Variants in NUP37 observed in about 807,000 individuals in gnomAD.
NUP37 encodes the protein nucleoporin 37.
NUP37 carries 33 observed loss-of-function variants against 45.4 expected under a neutral mutation model. That is an observed-to-expected ratio of 0.73 (90% CI 0.55 to 0.97). The LOEUF is 0.97. NUP37 is among the 50% of genes least tolerant of loss of function. The pLI is 0.00. For missense variants in NUP37, 365 were observed against 389.7 expected (o/e 0.94, Z 0.53); for synonymous variants, 127 against 130.7 (o/e 0.97, Z 0.19).
At chr12:102,092,707 A>G (rs1879692929) in intron 5 of NUP37, among the ~76,000 whole-genome samples, 1 of 152,162 alleles carries the variant, frequency 6.6e-6, no homozygotes, top group Non-Finnish European at 1.5e-5. Context: ...TGAAAGCCCA[A>G]ATCTAGAGAT....
chr12:102,085,626 A>C (rs1441292152), intron 6 of NUP37, 140 bp downstream of exon 6: 1 of 452,606 alleles, frequency 2.2e-6, no homozygotes, highest in African/African-American at 2.0e-5. Flanking sequence ...ACAGGTTTCT[A>C]GACTAATCCA....
intron 6 of NUP37, chr12:102,078,974 G>GA: frequency 4.9e-6 from 1 of 203,204 alleles, no homozygotes; most frequent in Middle Eastern, 5.7e-4. Flanking sequence ...TAAGGTATGA[G>GA]ATTGCTACGA....
At chr12:102,098,666 G>C (rs1235402855) in intron 5 of NUP37, among the ~76,000 whole-genome samples, 2 of 152,028 alleles carry the variant, frequency 1.3e-5, no homozygotes, top group African/African-American at 4.8e-5. Flanking sequence ...CGAGTAGCTG[G>C]AATCACAAGT....
intron 3 of NUP37, among the ~76,000 whole-genome samples, chr12:102,107,722 T>C (rs1880194339): frequency 6.6e-6 from 1 of 152,060 alleles, no homozygotes; most frequent in South Asian, 2.1e-4. Context: ...CTCATATATA[T>C]AATGTGAAGT....
chr12:102,096,073 CTT>C (rs1037220328), intron 5 of NUP37, among the ~76,000 whole-genome samples: 28 of 152,178 alleles, frequency 1.8e-4, no homozygotes, highest in Admixed American at 7.2e-4. Flanking sequence ...TTATTATTCT[CTT>C]TGTTTTCCTT....
At chr12:102,079,394 AATTTC>A (rs1421264640) in intron 6 of NUP37, among the ~76,000 whole-genome samples, 1 of 152,206 alleles carries the variant, frequency 6.6e-6, no homozygotes, top group Non-Finnish European at 1.5e-5. Flanking sequence ...ATGGATAGTC[AATTTC>A]ATTATTCATG....
chr12:102,075,579 C>T (rs141236719), intron 8 of NUP37, among the ~76,000 whole-genome samples: 417 of 152,198 alleles, frequency 2.7e-3, no homozygotes, highest in Non-Finnish European at 4.9e-3. Flanking sequence ...GGAAAATATT[C>T]CATAAATATT....
chr12:102,082,916 T>C (rs969140647), intron 6 of NUP37, among the ~76,000 whole-genome samples: 1 of 152,142 alleles, frequency 6.6e-6, no homozygotes, highest in Non-Finnish European at 1.5e-5. Flanking sequence ...AGACCTGGAA[T>C]AGTTTGTGTA....
At chr12:102,086,691 C>T (rs1175603294) in intron 5 of NUP37, among the ~76,000 whole-genome samples, 2 of 152,164 alleles carry the variant, frequency 1.3e-5, no homozygotes, top group Non-Finnish European at 2.9e-5. Context: ...CATACTCAGC[C>T]ACTGTTACAT....
At chr12:102,118,281 T>C (rs1231264868) in intron 2 of NUP37, 82 bp downstream of exon 2, 7 of 1,341,498 alleles carry the variant, frequency 5.2e-6, no homozygotes, top group East Asian at 4.7e-5. Flanking sequence ...CAATATACTT[T>C]CAAAGTTTAG....
chr12:102,093,874 A>C (rs1266897206), intron 5 of NUP37, among the ~76,000 whole-genome samples: 1 of 152,102 alleles, frequency 6.6e-6, no homozygotes, highest in Non-Finnish European at 1.5e-5. Flanking sequence ...ATTTGGTGAT[A>C]TATTTTATTA....
At chr12:102,088,256 T>C (rs1216788301) in intron 5 of NUP37, among the ~76,000 whole-genome samples, 2 of 152,226 alleles carry the variant, frequency 1.3e-5, no homozygotes, top group African/African-American at 4.8e-5. Context: ...CAAATCCTTT[T>C]ATGGAGCTCA....
intron 2 of NUP37, among the ~76,000 whole-genome samples, chr12:102,115,295 C>T (rs1880432556): frequency 6.6e-6 from 1 of 152,166 alleles, no homozygotes; most frequent in African/African-American, 2.4e-5. Context: ...GGCCACTAGC[C>T]ACACAGGACC....
chr12:102,112,379 A>G, intron 2 of NUP37, 147 bp from the exon 3 acceptor site: 1 of 567,520 alleles, frequency 1.8e-6, no homozygotes, highest in Non-Finnish European at 2.8e-6. Context: ...TAACTAGTTC[A>G]TTGAATTAAA....
intron 5 of NUP37, among the ~76,000 whole-genome samples, chr12:102,089,508 C>T (rs561408002): frequency 9.0e-4 from 129 of 143,804 alleles, no homozygotes; most frequent in African/African-American, 3.1e-3. Context: ...CAGGCAGAGA[C>T]GCTCCTCACC....
At chr12:102,112,823 A>G (rs748634155) in intron 2 of NUP37, among the ~76,000 whole-genome samples, 6 of 152,232 alleles carry the variant, frequency 3.9e-5, no homozygotes, top group Non-Finnish European at 8.8e-5. Context: ...AATGATTTTC[A>G]TGTAGTGTTA....
chr12:102,113,053 A>G (rs192261163), intron 2 of NUP37, among the ~76,000 whole-genome samples: 32 of 152,360 alleles, frequency 2.1e-4, no homozygotes, highest in Admixed American at 1.9e-3. Context: ...ATCAACTTTA[A>G]AAGTCAAGCC....
chr12:102,074,615 A>C (rs1303996683), intron 9 of NUP37, 148 bp from the exon 10 acceptor site: 1 of 578,064 alleles, frequency 1.7e-6, no homozygotes. Context: ...GGTGAAATAC[A>C]CATTATTGAT....
At chr12:102,077,049 C>T (rs986265517) in intron 7 of NUP37, 4 of 608,154 alleles carry the variant, frequency 6.6e-6, no homozygotes, top group Non-Finnish European at 1.2e-5. Context: ...CATCATGCAA[C>T]AGGGTCAGTG....
Sources: gnomAD v4.1 joint callset for allele counts (sites outside exome capture counted in the v4.1 genomes callset) on GRCh38, gnomAD v4.1.1 for gene constraint, MANE v1.5 for transcripts, NCBI Gene and HGNC (gene_info 2026-07-23, HGNC 2026-07-21) for gene names.